NRP2: variants seen among roughly 807,000 people sequenced by gnomAD.
NRP2 encodes the protein neuropilin-2.
Under a neutral mutation model 110.4 loss-of-function variants are expected in NRP2, and 52 were observed. The ratio of observed to expected loss-of-function variants is 0.47; its 90% CI spans 0.38 to 0.59. The LOEUF (loss-of-function observed/expected upper bound fraction) is 0.59, where lower values mean the gene tolerates loss of function less well. Among genes scored for constraint, NRP2 ranks in the 20% least tolerant of loss-of-function variants. The pLI is 0.00. For missense variants in NRP2, 1,049 were observed against 1,203.0 expected, an observed-to-expected ratio of 0.87 and a Z score of 1.89; for synonymous variants, 508 against 468.9, an observed-to-expected ratio of 1.08 and a Z score of -1.08.
chr2:205,752,200 G>A (rs1559348310), intron 11 of NRP2, among the ~76,000 whole-genome samples: 1 of 152,190 alleles, frequency 6.6e-6, no homozygotes, highest in Non-Finnish European at 1.5e-5. Flanking sequence ...GGCTGGTCTG[G>A]TCCCTTCGAT....
In NRP2 at chr2:205,722,659, G is replaced by A. The variant is rs563405391; in HGVS notation, c.615G>A (p.Glu205=). The change falls in exon 4 of 17, where the codon GAG becomes GAA. Residue 205 remains glutamate (E), a synonymous_variant. Transcript: ENST00000357785. ...AGCATGACCCTTTGCAGGTGGGAGA[G>A]GGGGACTGCAAGTACGATTGGCTGG... ...DLEHDPLQVG[E]GDCKYDWLDI... The A allele has an allele frequency of 1.2e-6, 2 of 1,614,190 alleles. No homozygotes were observed. Among genetic ancestry groups the A allele is most frequent in the South Asian group, 1.1e-5 (1 of 91,080 alleles).
At chr2:205,758,880 G>A (rs2057776607) in intron 12 of NRP2, among the ~76,000 whole-genome samples, 1 of 152,092 alleles carries the variant, frequency 6.6e-6, no homozygotes, top group Non-Finnish European at 1.5e-5. Context: ...CAATCCAAAG[G>A]GCTTTACCTC....
chr2:205,726,190 A>C, intron 6 of NRP2, 108 bp downstream of exon 6: 1 of 1,113,432 alleles, frequency 9.0e-7, no homozygotes, highest in South Asian at 1.3e-5. Flanking sequence ...TAAACACAGC[A>C]TACCTGAGAA....
At chr2:205,760,132 G>A (rs2057797316) in intron 12 of NRP2, among the ~76,000 whole-genome samples, 1 of 152,206 alleles carries the variant, frequency 6.6e-6, no homozygotes, top group Non-Finnish European at 1.5e-5. Flanking sequence ...CAGGGAAGGT[G>A]ACATCAGGGG....
rs1453662660 is a variant in NRP2, at chr2:205,796,324, A to C, written c.*1266A>C. 6.6e-6 allele frequency: 1 copy of C among 152,604 alleles called. No homozygotes were observed. The highest frequency in any genetic ancestry group is 1.5e-5 in the Non-Finnish European group (1 of 68,048). 9.5% of individuals were successfully genotyped at this position (152,604 alleles called of 1,614,324 possible). On this transcript the variant is annotated 3_prime_UTR_variant, in exon 17 of 17. Coordinates refer to ENST00000357785, the MANE Select transcript of NRP2 (RefSeq NM_003872.3). ...GGATGTACAAGAACTGATTCTAACCAGAAGTCCGCAAGTACTGTGGACAAG... is the reference window on the plus strand; with the variant it reads ...GGATGTACAAGAACTGATTCTAACCCGAAGTCCGCAAGTACTGTGGACAAG...
chr2:205,722,638 T>G lies in NRP2; in HGVS notation c.594T>G (p.His198Gln), dbSNP rs1015051569. Residue 198 changes from histidine to glutamine, a missense_variant, in exon 4 of 17, where the codon CAT (histidine) becomes CAG (glutamine). Transcript: ENST00000357785. ...AGTTCCTGATCTTTGACCTGGAGCA[T>G]GACCCTTTGCAGGTGGGAGAGGGGG... ...ILQFLIFDLE[H>Q]DPLQVGEGDC... The G allele has an allele frequency of 6.2e-7, 1 of 1,614,080 alleles. No individual in the cohort carries two copies. Among genetic ancestry groups the G allele is most frequent in the Non-Finnish European group, 8.5e-7 (1 of 1,180,042 alleles).
In NRP2 at chr2:205,743,299, G is replaced by A. The variant is rs781373400; in HGVS notation, c.1388G>A (p.Ser463Asn). 3 of 1,614,048 alleles carry A rather than the reference G, an allele frequency of 1.9e-6. No individual in the cohort carries two copies. The highest frequency in any genetic ancestry group is 1.3e-5 in the African/African-American group (1 of 74,938). ...SSTQEYLWSP[S>N]AARLVSSRSG... ...ACCCAGGAATACCTCTGGAGCCCCA[G>A]TGCAGCCCGCCTGGTTAGCAGCCGC... is the stretch of plus-strand genomic sequence containing the variant. Residue 463 changes from serine to asparagine, a missense_variant, in exon 9 of 17, where the codon AGT becomes AAT. By Grantham distance (46) the Ser-to-Asn change is conservative. Coordinates refer to ENST00000357785, the MANE Select transcript of NRP2 (RefSeq NM_003872.3).
At chr2:205,750,630 A>G (rs923944331) in intron 11 of NRP2, among the ~76,000 whole-genome samples, 16 of 152,254 alleles carry the variant, frequency 1.1e-4, no homozygotes, top group Non-Finnish European at 1.8e-4. Flanking sequence ...GGACATTTAT[A>G]AGAAACCACA....
intron 2 of NRP2, among the ~76,000 whole-genome samples, chr2:205,704,000 A>G (rs2056617771): frequency 6.6e-6 from 1 of 152,140 alleles, no homozygotes; most frequent in South Asian, 2.1e-4. Context: ...AGCAGGAAAG[A>G]CTAAGATGAT....
rs994889441 is a variant in NRP2 at position 205,766,711 on chromosome 2, A to G, written c.2405-72A>G. On this transcript the variant is annotated intron_variant, in intron 14 of 16. Transcript: ENST00000357785. ...TCATGTTTATCATCATATTCATCCA[A>G]TTATTCACTCTATGTTCACCCAATT... 1.0e-5 allele frequency: 14 copies of G among 1,348,156 alleles called. No individual in the cohort carries two copies. The African/African-American group carries it at 2.0e-4, about 19-fold the overall frequency. The allele number at this position is 1,348,156 out of a possible 1,614,324, so 83.5% of individuals were successfully genotyped here.
At position 205,727,967 on chromosome 2, in the gene NRP2, A is replaced by G. The variant is rs1359148522; in HGVS notation, c.1067A>G (p.Tyr356Cys). The G allele has an allele frequency of 5.0e-6, 8 of 1,614,078 alleles. No individual in the cohort carries two copies. Among genetic ancestry groups the G allele is most frequent in the East Asian group, 2.2e-5 (1 of 44,890 alleles). Residue 356 changes from tyrosine to cysteine, a missense_variant, in exon 7 of 17, where the codon TAC becomes TGC. Transcript: ENST00000357785. ...ATTTCCAGGGAAACACAGAATGGCT[A>G]CTATGTCAAATCCTACAAGCTGGAA... Reference protein sequence around the residue: ...GAISRETQNGYYVKSYKLEVS... With the variant: ...GAISRETQNGCYVKSYKLEVS...
rs1187873845 is a variant in NRP2, at chr2:205,682,886, G to A, written c.-405G>A. Reference sequence around the variant, plus strand: ...GCCTCTGAGATCACACAGCTGCCTGGGGGCCGTGTGATGCCCAAGGCAAGT... The same window carrying A: ...GCCTCTGAGATCACACAGCTGCCTGAGGGCCGTGTGATGCCCAAGGCAAGT... On this transcript the variant is annotated 5_prime_UTR_variant, in exon 1 of 17. Coordinates refer to ENST00000357785, the MANE Select transcript of NRP2 (RefSeq NM_003872.3). This position sits in a 1 kb window ranked among gnomAD's most constrained non-coding sequence, Gnocchi z 4.3. The A allele has an allele frequency of 4.8e-6, 1 of 209,634 alleles. No individual in the cohort carries two copies. Among genetic ancestry groups the A allele is most frequent in the African/African-American group, 2.4e-5 (1 of 42,484 alleles). The allele number at this position is 209,634 out of a possible 1,614,324, so 13.0% of individuals were successfully genotyped here.
chr2:205,754,805 G>GGTGTGT (rs3836090), intron 12 of NRP2, among the ~76,000 whole-genome samples: 3 of 151,160 alleles, frequency 2.0e-5, no homozygotes, highest in Non-Finnish European at 4.4e-5. Context: ...TCTGTGCATG[G>GGTGTGT]GTGTGTGTGT....
chr2:205,752,788 A>G (rs1409534240), intron 11 of NRP2, 47 bp from the exon 12 acceptor site: 1 of 1,609,738 alleles, frequency 6.2e-7, no homozygotes, highest in African/African-American at 1.3e-5. Context: ...CTGTTCTCTG[A>G]ACCCATTTCA....
chr2:205,716,920 T>A (rs911396215), intron 3 of NRP2, among the ~76,000 whole-genome samples: 4 of 152,156 alleles, frequency 2.6e-5, no homozygotes, highest in Non-Finnish European at 4.4e-5. Flanking sequence ...ATTGAACCCC[T>A]ACTCTCTAAA....
intron 15 of NRP2, among the ~76,000 whole-genome samples, chr2:205,790,270 C>A (rs2058284081): frequency 6.6e-6 from 1 of 152,188 alleles, no homozygotes; most frequent in African/African-American, 2.4e-5. Flanking sequence ...AGACAAGAGG[C>A]CGTGATCTCC....
Position 205,796,361 on chromosome 2 carries a change from A to G in NRP2, c.*1303A>G, listed in dbSNP as rs1326644995. 3 of 152,612 alleles carry G rather than the reference A, an allele frequency of 2.0e-5. No individual in the cohort carries two copies. In the East Asian group the frequency reaches 5.8e-4, roughly 29 times the overall value. 9.5% of individuals were successfully genotyped at this position (152,612 alleles called of 1,614,324 possible). A position where few individuals can be genotyped will look rare whatever the true frequency, so the allele number is the denominator to read the frequency against. The stretch of plus-strand genomic sequence containing the variant: ...GTACTGTGGACAAGAATGCTTAACC[A>G]TGCTGCTTCAGCCTTGAGAGACCTA... On this transcript the variant is annotated 3_prime_UTR_variant, in exon 17 of 17. Coordinates refer to ENST00000357785, the MANE Select transcript of NRP2 (RefSeq NM_003872.3).
chr2:205,721,014 G>A (rs1315964584), intron 3 of NRP2, among the ~76,000 whole-genome samples: 1 of 152,228 alleles, frequency 6.6e-6, no homozygotes, highest in Non-Finnish European at 1.5e-5. Context: ...TGGATGGATA[G>A]GTAGGAGATA....
chr2:205,773,513 T>C (rs2058053880), intron 15 of NRP2, among the ~76,000 whole-genome samples: 1 of 152,152 alleles, frequency 6.6e-6, no homozygotes, highest in Non-Finnish European at 1.5e-5. Flanking sequence ...GAAGGATAAG[T>C]AGAGAAGGAG....
Sources: gnomAD v4.1 joint callset for allele counts (sites outside exome capture counted in the v4.1 genomes callset) on GRCh38, gnomAD v4.1.1 for gene constraint, Gnocchi (gnomAD v3.1) non-coding constraint, MANE v1.5 for transcripts, NCBI Gene and HGNC (gene_info 2026-07-23, HGNC 2026-07-21) for gene names.